VPS53: variants seen among roughly 807,000 people sequenced by gnomAD.
VPS53 encodes the protein vacuolar protein sorting-associated protein 53 homolog.
VPS53 carries 70 observed loss-of-function variants against 107.0 expected under a neutral mutation model. That is an observed-to-expected ratio of 0.65 (90% CI 0.54 to 0.80). VPS53 has a LOEUF of 0.80. Ranked by LOEUF, VPS53 falls within the 30% of genes least tolerant of loss-of-function variation. VPS53 has a pLI of 0.00. For missense variants in VPS53, 917 were observed against 1,049.4 expected, an observed-to-expected ratio of 0.87 and a Z score of 1.74; for synonymous variants, 409 against 393.3, an observed-to-expected ratio of 1.04 and a Z score of -0.47.
chr17:598,884 C>CCA (rs2143006832), intron 12 of VPS53, among the ~76,000 whole-genome samples: 1 of 34,134 alleles, frequency 2.9e-5, no homozygotes, highest in Non-Finnish European at 6.4e-5. Flanking sequence ...GGGTCAGCCC[C>CCA]ATGCCCGGCC....
chr17:577,046 TTCCCAGAGAACC>T (rs1914684483), intron 13 of VPS53, among the ~76,000 whole-genome samples: 1 of 150,478 alleles, frequency 6.6e-6, no homozygotes. Flanking sequence ...ATCTAGTGCG[TTCCCAGAGAACC>T]TCTCAGAGAA....
chr17:654,451 AG>A (rs1971090484), intron 6 of VPS53, among the ~76,000 whole-genome samples: 1 of 151,850 alleles, frequency 6.6e-6, no homozygotes, highest in Non-Finnish European at 1.5e-5. Context: ...TGAAAAAGAC[AG>A]GATTGGCCGG....
At chr17:521,788 C>T (rs1009837937) in intron 19 of VPS53, 50 bp from the exon 20 acceptor site, 1 of 1,417,466 alleles carries the variant, frequency 7.1e-7, no homozygotes, top group Non-Finnish European at 9.4e-7. Context: ...CGACCCAGTG[C>T]CGAGTGGACT....
Position 521,657 on chromosome 17 carries a change from CG to C in VPS53, c.2166del (p.Ala723ProfsTer11). On this transcript the variant is annotated frameshift_variant, in exon 20 of 22. Coordinates refer to ENST00000437048, the MANE Select transcript of VPS53 (RefSeq NM_001128159.3). LOFTEE classifies it high-confidence loss of function. ...TTGACAACGATCTTGGTGTAGCTGG[CG>C]GGTGCCTTCCTCACCACCTGCGAGC... ...SISSQVVRKA[P>X]ASYTKIVVKG... 3.2e-6 allele frequency: 5 copies of C among 1,550,942 alleles called. No homozygotes were observed. The highest frequency in any genetic ancestry group is 4.4e-6 in the Non-Finnish European group (5 of 1,146,450).
intron 11 of VPS53, among the ~76,000 whole-genome samples, chr17:605,000 C>A (rs1968498587): frequency 6.6e-6 from 1 of 152,096 alleles, no homozygotes; most frequent in Admixed American, 6.6e-5. Context: ...TGAGAAGGGC[C>A]AGGAAGGAAA....
chr17:561,353 C>T (rs1912955202), intron 14 of VPS53, among the ~76,000 whole-genome samples: 1 of 152,176 alleles, frequency 6.6e-6, no homozygotes, highest in Non-Finnish European at 1.5e-5. Context: ...TCACCTTGCC[C>T]CCACTTCTGT....
chr17:537,829 T>G (rs1484839166), intron 17 of VPS53: 2 of 152,142 alleles, frequency 1.3e-5, no homozygotes, highest in Non-Finnish European at 2.9e-5. Context: ...ATTTCCATAA[T>G]AAAACACTTG....
At chr17:559,757 T>A (rs926184030) in intron 15 of VPS53, among the ~76,000 whole-genome samples, 3 of 152,252 alleles carry the variant, frequency 2.0e-5, no homozygotes, top group Non-Finnish European at 4.4e-5. Flanking sequence ...CAAATTACTT[T>A]CTTTCTCTTG....
intron 15 of VPS53, among the ~76,000 whole-genome samples, chr17:559,030 G>A (rs1191486451): frequency 6.6e-6 from 1 of 151,944 alleles, no homozygotes; most frequent in Non-Finnish European, 1.5e-5. Flanking sequence ...TTATGGTATA[G>A]TCCCTTAAAG....
chr17:623,892 G>A (rs1944601385), intron 10 of VPS53, among the ~76,000 whole-genome samples: 1 of 152,088 alleles, frequency 6.6e-6, no homozygotes, highest in African/African-American at 2.4e-5. Flanking sequence ...AAAAAAATCA[G>A]GGGTCATGGA....
intron 13 of VPS53, among the ~76,000 whole-genome samples, chr17:579,138 G>GC (rs1966867714): frequency 6.7e-6 from 1 of 149,092 alleles, no homozygotes; most frequent in Admixed American, 6.7e-5. Context: ...AGAACCTAAT[G>GC]CGTTCCCAGA....
intron 5 of VPS53, among the ~76,000 whole-genome samples, chr17:659,443 G>A (rs1026224780): frequency 3.9e-5 from 6 of 152,092 alleles, no homozygotes; most frequent in African/African-American, 1.2e-4. Flanking sequence ...ACGACGCCTG[G>A]TTAATTTTTG....
intron 4 of VPS53, among the ~76,000 whole-genome samples, chr17:666,418 C>A (rs1271351260): frequency 6.6e-6 from 1 of 152,198 alleles, no homozygotes; most frequent in Non-Finnish European, 1.5e-5. Context: ...AATCCCAGCA[C>A]TTTGGGAGGC....
chr17:651,700 C>T (rs1268579049), intron 7 of VPS53, among the ~76,000 whole-genome samples: 3 of 152,192 alleles, frequency 2.0e-5, no homozygotes, highest in African/African-American at 7.2e-5. Context: ...GAGTCAGAAA[C>T]GTAGCTGCTG....
intron 1 of VPS53, among the ~76,000 whole-genome samples, chr17:712,018 G>A (rs1597521311): frequency 2.0e-5 from 3 of 151,542 alleles, no homozygotes; most frequent in East Asian, 1.9e-4. Context: ...GGGTTTCACC[G>A]TGTTGGCCAG....
At chr17:592,561 C>A (rs1351118908) in intron 12 of VPS53, among the ~76,000 whole-genome samples, 1 of 152,094 alleles carries the variant, frequency 6.6e-6, no homozygotes, top group Non-Finnish European at 1.5e-5. Context: ...GCGCTTCCTT[C>A]AGGAGCTCTT....
chr17:554,484 A>T (rs1450885632), intron 15 of VPS53, among the ~76,000 whole-genome samples: 1 of 152,124 alleles, frequency 6.6e-6, no homozygotes, highest in Non-Finnish European at 1.5e-5. Flanking sequence ...GCTCACTGCA[A>T]CCTCTGCCTC....
chr17:556,972 C>T (rs1567623251), intron 15 of VPS53, among the ~76,000 whole-genome samples: 1 of 73,168 alleles, frequency 1.4e-5, no homozygotes, highest in Non-Finnish European at 2.9e-5. Flanking sequence ...GGACCTGAGG[C>T]TTGGGGAATG....
At position 546,989 on chromosome 17, in the gene VPS53, C is replaced by T. The variant is rs903030746; in HGVS notation, c.1866+4883G>A. The stretch of plus-strand genomic sequence containing the variant: ...TCCCAGGTTCAAGCCATTCTCCTGT[C>T]TCAGCCTCCCAAGTAGCTGGGATTA... On this transcript the variant is annotated intron_variant, in intron 17 of 21. Coordinates refer to ENST00000437048, the MANE Select transcript of VPS53 (RefSeq NM_001128159.3). 3.3e-5 allele frequency among the ~76,000 whole-genome samples: 5 copies of T among 150,234 alleles called. No homozygotes were observed. In the East Asian group the frequency reaches 9.9e-4, roughly 30 times the overall value.
Sources: gnomAD v4.1 joint callset for allele counts (sites outside exome capture counted in the v4.1 genomes callset) on GRCh38, gnomAD v4.1.1 for gene constraint, MANE v1.5 for transcripts, NCBI Gene and HGNC (gene_info 2026-07-23, HGNC 2026-07-21) for gene names.